The following POGZ variants were observed in gnomAD, a reference collection of about 807,000 sequenced individuals.
The protein encoded by POGZ is pogo transposable element with ZNF domain.
In POGZ, 17 loss-of-function variants were observed where a neutral mutation model predicts 134.6. The ratio of observed to expected loss-of-function variants is 0.13; its 90% CI spans 0.09 to 0.19. The LOEUF (loss-of-function observed/expected upper bound fraction) is 0.19, where lower values mean the gene tolerates loss of function less well. POGZ is among the 10% of genes least tolerant of loss of function. The pLI is 1.00. For synonymous variants in POGZ, 693 were observed against 657.1 expected, an observed-to-expected ratio of 1.05 and a Z score of -0.84; for missense variants, 1,306 against 1,769.7, an observed-to-expected ratio of 0.74 and a Z score of 4.70.
chr1:151,408,859 A>T, intron 12 of POGZ, 31 bp from the exon 13 acceptor site: 1 of 1,601,892 alleles, frequency 6.2e-7, no homozygotes, highest in Non-Finnish European at 8.5e-7. Flanking sequence ...AAAGAGACAA[A>T]ATCCCTTAAA....
chr1:151,407,771 A>C (rs1438470297), intron 15 of POGZ, among the ~76,000 whole-genome samples: 1 of 152,144 alleles, frequency 6.6e-6, no homozygotes, highest in African/African-American at 2.4e-5. Context: ...CACTTTAGGG[A>C]GGCCGAGGCA....
chr1:151,416,912 A>G (rs905875954), intron 10 of POGZ, among the ~76,000 whole-genome samples: 1 of 152,068 alleles, frequency 6.6e-6, no homozygotes, highest in Non-Finnish European at 1.5e-5. Flanking sequence ...GATTAGAGGC[A>G]TGAGTCACCA....
intron 3 of POGZ, among the ~76,000 whole-genome samples, chr1:151,433,858 T>C (rs963622456): frequency 6.6e-6 from 1 of 151,988 alleles, no homozygotes; most frequent in Non-Finnish European, 1.5e-5. Flanking sequence ...CAATCACAAT[T>C]CTGGTGCTTT....
rs1202818073 is a variant in POGZ, at chr1:151,408,100, T to C, written c.2375A>G (p.Asn792Ser). Residue 792 changes from asparagine (N) to serine (S), a missense_variant and splice_region_variant, in exon 15 of 19, where the codon AAC becomes AGC. Coordinates refer to ENST00000271715, the MANE Select transcript of POGZ (RefSeq NM_015100.4). ...AAACACTGGTTAAAAACCAACTTAC[T>C]TGATCATGTGGTTGGCATAAGCTCG... ...CSRAYANHMINNHVPRKSPKY... is the reference protein window; with the variant it reads ...CSRAYANHMISNHVPRKSPKY... The C allele has an allele frequency of 1.2e-6, 2 of 1,608,178 alleles. No homozygotes were observed.
At chr1:151,428,439 A>C (rs554343179) in intron 5 of POGZ, 26 bp from the exon 6 acceptor site, 2 of 1,607,452 alleles carry the variant, frequency 1.2e-6, no homozygotes, top group South Asian at 2.2e-5. Flanking sequence ...AAAGTACCAG[A>C]TCTTGGTCAG....
chr1:151,440,040 C>T (rs61819472), intron 3 of POGZ, among the ~76,000 whole-genome samples: 1 of 151,986 alleles, frequency 6.6e-6, no homozygotes, highest in African/African-American at 2.4e-5. Context: ...TAATGTACAA[C>T]TTGTATAATC....
intron 1 of POGZ, among the ~76,000 whole-genome samples, chr1:151,445,040 T>C (rs561719263): frequency 1.3e-5 from 2 of 151,888 alleles, no homozygotes; most frequent in African/African-American, 4.8e-5. Context: ...TGGAGAGCAA[T>C]ACTCCATCCC....
chr1:151,412,062 A>T (rs958910949), intron 11 of POGZ, among the ~76,000 whole-genome samples: 6 of 151,936 alleles, frequency 3.9e-5, no homozygotes, highest in African/African-American at 1.5e-4. Context: ...GGAGACAGAC[A>T]CTCCCTTAGA....
chr1:151,440,166 G>C (rs906817222), intron 3 of POGZ, among the ~76,000 whole-genome samples: 4 of 150,614 alleles, frequency 2.7e-5, no homozygotes, highest in Non-Finnish European at 3.0e-5. Flanking sequence ...GTGGGATTAT[G>C]GTTAAACATT....
At chr1:151,407,990 G>A in intron 15 of POGZ, 110 bp downstream of exon 15, 1 of 831,520 alleles carries the variant, frequency 1.2e-6, no homozygotes, top group Non-Finnish European at 1.8e-6. Flanking sequence ...CCAGCCTAGG[G>A]GACAGAGTGA....
intron 1 of POGZ, among the ~76,000 whole-genome samples, chr1:151,443,306 T>G (rs764618007): frequency 1.3e-5 from 2 of 152,194 alleles, no homozygotes; most frequent in African/African-American, 2.4e-5. Flanking sequence ...TACTACTACC[T>G]TGTACGTCTA....
At chr1:151,420,954 G>A (rs1181297595) in intron 10 of POGZ, among the ~76,000 whole-genome samples, 1 of 148,132 alleles carries the variant, frequency 6.8e-6, no homozygotes, top group Non-Finnish European at 1.5e-5. Context: ...TGAAACCTCA[G>A]ATAGTATTGA....
chr1:151,416,001 G>A lies in POGZ; in HGVS notation c.1679-3605C>T, dbSNP rs566609350. ...GGCAGAGGCAGGCGGATCATCTGAA[G>A]TCAGGAGTTCAAGACCAGCCTGGCC... On this transcript the variant is annotated intron_variant, in intron 10 of 18. Coordinates refer to ENST00000271715, the MANE Select transcript of POGZ (RefSeq NM_015100.4). 1.1e-3 allele frequency among the ~76,000 whole-genome samples: 165 copies of A among 151,820 alleles called. 3 individuals are homozygous for A. The Middle Eastern group carries it at 0.017, about 16-fold the overall frequency.
intron 1 of POGZ, among the ~76,000 whole-genome samples, chr1:151,445,162 C>G (rs955650710): frequency 2.6e-5 from 4 of 152,138 alleles, no homozygotes; most frequent in African/African-American, 9.7e-5. Context: ...AGAAAAATAT[C>G]TCTTCTCCTT....
intron 1 of POGZ, among the ~76,000 whole-genome samples, chr1:151,444,769 A>G (rs1661032851): frequency 6.6e-6 from 1 of 152,222 alleles, no homozygotes; most frequent in African/African-American, 2.4e-5. Flanking sequence ...AATTTTAATA[A>G]GAATATTGAA....
chr1:151,458,450 T>G (rs1361978003), intron 1 of POGZ, among the ~76,000 whole-genome samples: 1 of 151,936 alleles, frequency 6.6e-6, no homozygotes, highest in Admixed American at 6.6e-5. Flanking sequence ...AGGCTTAGGA[T>G]GTACTATTAG....
intron 3 of POGZ, among the ~76,000 whole-genome samples, chr1:151,436,591 G>A (rs1312618565): frequency 6.6e-6 from 1 of 152,060 alleles, no homozygotes; most frequent in Non-Finnish European, 1.5e-5. Flanking sequence ...TTGCAGGCAT[G>A]CACCACCACA....
chr1:151,451,591 G>A (rs1388897662), intron 1 of POGZ, among the ~76,000 whole-genome samples: 1 of 151,686 alleles, frequency 6.6e-6, no homozygotes, highest in African/African-American at 2.4e-5. Context: ...CTCCCAAAGT[G>A]CTGGGATTAC....
At position 151,428,307 on chromosome 1, in the gene POGZ, G is replaced by A. The variant is rs1571456562; in HGVS notation, c.675C>T (p.Asn225=). The A allele has an allele frequency of 1.9e-6, 3 of 1,614,062 alleles. No homozygotes were observed. The highest frequency in any genetic ancestry group is 2.2e-5 in the East Asian group (1 of 44,874). Residue 225 remains asparagine (N), a synonymous_variant, in exon 6 of 19, where the codon AAC becomes AAT. Coordinates refer to ENST00000271715, the MANE Select transcript of POGZ (RefSeq NM_015100.4). Reference sequence around the variant, plus strand: ...TGGCCGGGATGACGGTGGTGAAGGTGTTGGTGGTGGGCCTCACAGGCATTG... The same window carrying A: ...TGGCCGGGATGACGGTGGTGAAGGTATTGGTGGTGGGCCTCACAGGCATTG... ...GSTMPVRPTT[N]TFTTVIPATL...
Sources: allele counts gnomAD v4.1 joint callset (sites outside exome capture counted in the v4.1 genomes callset), GRCh38; gene constraint gnomAD v4.1.1; transcripts MANE v1.5; gene names NCBI Gene and HGNC (gene_info 2026-07-23, HGNC 2026-07-21).